FHIP1A: variants seen among roughly 807,000 people sequenced by gnomAD.
The protein encoded by FHIP1A is FHF complex subunit HOOK interacting protein 1A.
A neutral mutation model predicts 88.6 loss-of-function variants in FHIP1A; 61 were observed. The observed-to-expected ratio is 0.69, with a 90% CI of 0.56 to 0.85. The LOEUF (loss-of-function observed/expected upper bound fraction) is 0.85, where lower values mean the gene tolerates loss of function less well. Ranked by LOEUF, FHIP1A falls within the 40% of genes least tolerant of loss-of-function variation. The probability of loss-of-function intolerance (pLI) is 0.00; values close to 1 mark genes in which losing one functional copy is unlikely to be tolerated. For missense variants in FHIP1A, 1,154 were observed against 1,273.5 expected (o/e 0.91, Z 1.43); for synonymous variants, 478 against 496.0 (o/e 0.96, Z 0.48).
At chr4:151,638,315 T>TTGTGTGTG (rs146664249) in intron 8 of FHIP1A, among the ~76,000 whole-genome samples, 5,320 of 143,764 alleles carry the variant, frequency 0.037, 261 homozygotes, top group African/African-American at 0.11. Flanking sequence ...AAATAGGAGA[T>TTGTGTGTG]TGTGTGTGTG....
intron 1 of FHIP1A, among the ~76,000 whole-genome samples, chr4:151,411,784 C>T (rs1437015445): frequency 2.6e-5 from 4 of 152,160 alleles, no homozygotes; most frequent in African/African-American, 4.8e-5. Flanking sequence ...TAGGGTGATA[C>T]GTAGGCCCAG....
At chr4:151,593,501 A>G (rs1734523473) in intron 7 of FHIP1A, among the ~76,000 whole-genome samples, 2 of 151,934 alleles carry the variant, frequency 1.3e-5, no homozygotes, top group Admixed American at 6.5e-5. Flanking sequence ...TTGTATTCCT[A>G]GATATTTTAT....
At position 151,656,114 on chromosome 4, in the gene FHIP1A, G is replaced by T. The variant is rs1055879861; in HGVS notation, c.2552-118G>T. On this transcript the variant is annotated intron_variant, in intron 11 of 13. Transcript: ENST00000435205. The surrounding 1 kb of genome is among the most constrained non-coding windows in gnomAD (Gnocchi z 4.2). ...AACGTGGCCATATTTGCTGTGTCTGGCTTGCACCTGTGGGCCCATGGTGGT... is the reference window on the plus strand; with the variant it reads ...AACGTGGCCATATTTGCTGTGTCTGTCTTGCACCTGTGGGCCCATGGTGGT... 1 of 752,664 alleles carries T rather than the reference G, an allele frequency of 1.3e-6. No homozygotes were observed. The highest frequency in any genetic ancestry group is 2.1e-6 in the Non-Finnish European group (1 of 468,672). The allele number at this position is 752,664 out of a possible 1,614,324, so 46.6% of individuals were successfully genotyped here.
chr4:151,482,442 G>A (rs935909840), intron 2 of FHIP1A, 82 bp from the exon 3 acceptor site: 8 of 152,078 alleles, frequency 5.3e-5, no homozygotes, highest in Admixed American at 4.6e-4. Flanking sequence ...ACATGTAGTG[G>A]TAAATGCGAG....
At chr4:151,458,802 T>TCGGCTCCTA (rs1383694033) in intron 2 of FHIP1A, among the ~76,000 whole-genome samples, 41 of 152,218 alleles carry the variant, frequency 2.7e-4, no homozygotes, top group African/African-American at 9.9e-4. Context: ...CTTATCTTAG[T>TCGGCTCCTA]CGGCTCCTAC....
chr4:151,475,580 G>A (rs1467118996), intron 2 of FHIP1A, among the ~76,000 whole-genome samples: 1 of 152,150 alleles, frequency 6.6e-6, no homozygotes, highest in Non-Finnish European at 1.5e-5. Flanking sequence ...AACAAGCTTG[G>A]TGCATCAGAG....
At chr4:151,569,788 C>A (rs994733669) in intron 4 of FHIP1A, among the ~76,000 whole-genome samples, 1 of 152,106 alleles carries the variant, frequency 6.6e-6, no homozygotes, top group African/African-American at 2.4e-5. Context: ...ATACAACCAG[C>A]CATCATCCAA....
intron 7 of FHIP1A, among the ~76,000 whole-genome samples, chr4:151,591,520 T>G (rs1016145589): frequency 6.6e-6 from 1 of 152,154 alleles, no homozygotes; most frequent in African/African-American, 2.4e-5. Context: ...TTGTTACATA[T>G]GTATACACGT....
rs1197473715 is a variant in FHIP1A at position 151,526,561 on chromosome 4, C to A, written c.-122-39577C>A. Among the ~76,000 whole-genome samples the A allele has an allele frequency of 2.8e-5, 4 of 142,324 alleles. No individual in the cohort carries two copies. The East Asian group carries it at 8.6e-4, about 31-fold the overall frequency. 93.4% of individuals were successfully genotyped at this position (142,324 alleles called of 152,430 possible). On this transcript the variant is annotated intron_variant, in intron 3 of 13. Transcript: ENST00000435205. ...CTACTCACTTCCCAGTAGGGGCGGC[C>A]GGGCAGAGGCGCCCCTCACCTCCCG...
chr4:151,483,906 G>A (rs1182795328), intron 3 of FHIP1A, among the ~76,000 whole-genome samples: 1 of 152,150 alleles, frequency 6.6e-6, no homozygotes, highest in Non-Finnish European at 1.5e-5. Flanking sequence ...CAGGAACAAA[G>A]TGGTATTGCA....
chr4:151,518,238 A>T (rs1390371643), intron 3 of FHIP1A, among the ~76,000 whole-genome samples: 1 of 152,186 alleles, frequency 6.6e-6, no homozygotes, highest in Non-Finnish European at 1.5e-5. Flanking sequence ...AATATTTACC[A>T]TCATGTTACA....
At chr4:151,547,734 C>T (rs1000317828) in intron 3 of FHIP1A, among the ~76,000 whole-genome samples, 4 of 151,938 alleles carry the variant, frequency 2.6e-5, no homozygotes, top group African/African-American at 4.8e-5. Flanking sequence ...GCCAACATGG[C>T]GAAACGCTGT....
chr4:151,449,226 T>C (rs935554950), intron 1 of FHIP1A, among the ~76,000 whole-genome samples: 11 of 152,252 alleles, frequency 7.2e-5, no homozygotes, highest in African/African-American at 2.4e-4. Flanking sequence ...TGGTATAGTA[T>C]TGAGCATATT....
intron 5 of FHIP1A, among the ~76,000 whole-genome samples, chr4:151,584,875 A>G (rs1734150684): frequency 6.6e-6 from 1 of 152,006 alleles, no homozygotes; most frequent in Non-Finnish European, 1.5e-5. Flanking sequence ...TTTTCTGGCT[A>G]ACTCCTACGT....
chr4:151,590,071 A>T (rs1734364998), intron 7 of FHIP1A, among the ~76,000 whole-genome samples: 1 of 152,216 alleles, frequency 6.6e-6, no homozygotes, highest in African/African-American at 2.4e-5. Context: ...ATTTGTTTCT[A>T]GGTTAACTTT....
chr4:151,421,669 C>T (rs932644677), intron 1 of FHIP1A, among the ~76,000 whole-genome samples: 8 of 151,810 alleles, frequency 5.3e-5, no homozygotes, highest in South Asian at 2.1e-4. Context: ...TTCCCTCCCC[C>T]GAATCTCTTT....
intron 6 of FHIP1A, among the ~76,000 whole-genome samples, chr4:151,587,859 T>C (rs191199305): frequency 6.6e-5 from 10 of 152,170 alleles, no homozygotes; most frequent in Admixed American, 1.3e-4. Flanking sequence ...TTGCAGTCTA[T>C]CAACCTATCA....
intron 9 of FHIP1A, among the ~76,000 whole-genome samples, chr4:151,639,319 T>C (rs1030709487): frequency 6.6e-6 from 1 of 152,182 alleles, no homozygotes; most frequent in Non-Finnish European, 1.5e-5. Context: ...GGGAAAGGTT[T>C]TATGAAGTGG....
chr4:151,633,255 T>C (rs1233350627), intron 8 of FHIP1A, among the ~76,000 whole-genome samples: 2 of 151,744 alleles, frequency 1.3e-5, no homozygotes, highest in Non-Finnish European at 3.0e-5. Flanking sequence ...GGCTGAATCA[T>C]GAAGAAATAA....
Sources: gnomAD v4.1 joint callset for allele counts (sites outside exome capture counted in the v4.1 genomes callset) on GRCh38, gnomAD v4.1.1 for gene constraint, Gnocchi (gnomAD v3.1) non-coding constraint, MANE v1.5 for transcripts, NCBI Gene and HGNC (gene_info 2026-07-23, HGNC 2026-07-21) for gene names.